The following LRRC4B variants were observed in gnomAD, a reference collection of about 807,000 sequenced individuals.
The protein encoded by LRRC4B is leucine rich repeat containing 4B.
LRRC4B carries 1 observed loss-of-function variant against 7.3 expected under a neutral mutation model. That is an observed-to-expected ratio of 0.14 (90% confidence interval 0.05 to 0.65). LRRC4B has a LOEUF of 0.65. LRRC4B is among the 30% of genes least tolerant of loss of function. The pLI is 0.84. For missense variants in LRRC4B, 730 were observed against 1,041.6 expected (o/e 0.70, Z 4.12); for synonymous variants, 500 against 499.2 (o/e 1.00, Z -0.02).
chr19:50,542,030 C>T (rs117729818), intron 2 of LRRC4B, among the ~76,000 whole-genome samples: 2,051 of 152,324 alleles, frequency 0.013, 19 homozygotes, highest in Non-Finnish European at 0.022. Context: ...GCGATCTTAA[C>T]GCAGCTTCAT....
chr19:50,535,092 T>A (rs1039958880), intron 2 of LRRC4B, among the ~76,000 whole-genome samples: 4 of 152,134 alleles, frequency 2.6e-5, no homozygotes, highest in Non-Finnish European at 4.4e-5. Flanking sequence ...ATGGTCTCGA[T>A]CTCCTGACCT....
Position 50,519,550 on chromosome 19 carries a change from C to G in LRRC4B, c.298-135G>C, listed in dbSNP as rs1980462118. 7.0e-7 allele frequency: 1 copy of G among 1,422,940 alleles called. No individual in the cohort carries two copies. The highest frequency in any genetic ancestry group is 2.5e-5 in the East Asian group (1 of 39,810). 88.1% of individuals were successfully genotyped at this position (1,422,940 alleles called of 1,614,324 possible). Reference sequence around the variant, plus strand: ...TGCTGTGACGGTACGACCTATATTGCAACATGGTTTGATGAGTTTCTTATA... The same window carrying G: ...TGCTGTGACGGTACGACCTATATTGGAACATGGTTTGATGAGTTTCTTATA... On this transcript the variant is annotated intron_variant, in intron 2 of 2. Transcript: ENST00000652263. This position sits in a 1 kb window ranked among gnomAD's most constrained non-coding sequence, Gnocchi z 8.1.
intron 1 of LRRC4B, among the ~76,000 whole-genome samples, chr19:50,550,128 A>G (rs1981991989): frequency 6.6e-6 from 1 of 152,158 alleles, no homozygotes; most frequent in Non-Finnish European, 1.5e-5. Context: ...CATAATGACC[A>G]TAGGAGAAAG....
intron 1 of LRRC4B, among the ~76,000 whole-genome samples, chr19:50,566,837 T>A (rs1982644891): frequency 7.1e-6 from 1 of 141,814 alleles, no homozygotes. Flanking sequence ...TGAAAGGTCA[T>A]AGAAGGATGT....
chr19:50,568,096 C>A lies in LRRC4B; in HGVS notation c.-188G>T, dbSNP rs1269725443. Reference sequence around the variant, plus strand: ...CGGGCCTGGAGCCTCTCGCGCTCTCCCCCCTCCCCGGCTCCTGGGTGGGGA... The same window carrying A: ...CGGGCCTGGAGCCTCTCGCGCTCTCACCCCTCCCCGGCTCCTGGGTGGGGA... On this transcript the variant is annotated 5_prime_UTR_variant, in exon 1 of 3. Coordinates refer to ENST00000652263, the MANE Select transcript of LRRC4B (RefSeq NM_001080457.2). 1 of 151,424 alleles carries A rather than the reference C, an allele frequency of 6.6e-6. No individual in the cohort carries two copies. Among genetic ancestry groups the A allele is most frequent in the Non-Finnish European group, 1.5e-5 (1 of 67,844 alleles). 9.4% of individuals were successfully genotyped at this position (151,424 alleles called of 1,614,324 possible).
intron 2 of LRRC4B, among the ~76,000 whole-genome samples, chr19:50,525,356 A>G (rs370866451): frequency 2.0e-5 from 3 of 151,566 alleles, no homozygotes; most frequent in African/African-American, 7.3e-5. Flanking sequence ...CCTTGGGATT[A>G]CAGCCCTGAG....
rs564846704 is a variant in LRRC4B at position 50,548,277 on chromosome 19, CG to C, written c.297+264del. ...CTAGGCCGACCCGCCTGTCCTGTGCCGGGGGGGCTGGGCAGGTGGCCTGCAC... is the reference window on the plus strand; with the variant it reads ...CTAGGCCGACCCGCCTGTCCTGTGCCGGGGGGCTGGGCAGGTGGCCTGCAC... On this transcript the variant is annotated intron_variant, in intron 2 of 2. Transcript: ENST00000652263. The surrounding 1 kb of genome is among the most constrained non-coding windows in gnomAD (Gnocchi z 6.8). Among the ~76,000 whole-genome samples the C allele has an allele frequency of 2.0e-4, 31 of 152,260 alleles. 1 individual carries two copies. The highest frequency in any genetic ancestry group is 1.2e-3 in the South Asian group (6 of 4,820).
chr19:50,566,193 G>T (rs1982622376), intron 1 of LRRC4B, among the ~76,000 whole-genome samples: 1 of 135,326 alleles, frequency 7.4e-6, no homozygotes, highest in Admixed American at 7.3e-5. Context: ...CCGCGGTCCG[G>T]GGGTGGGGGG....
At chr19:50,542,766 G>A (rs1981607590) in intron 2 of LRRC4B, among the ~76,000 whole-genome samples, 2 of 152,042 alleles carry the variant, frequency 1.3e-5, no homozygotes, top group Non-Finnish European at 2.9e-5. Flanking sequence ...CATAGCCACC[G>A]CGCCTGGCCA....
At chr19:50,564,446 C>T (rs892284908) in intron 1 of LRRC4B, among the ~76,000 whole-genome samples, 1 of 151,692 alleles carries the variant, frequency 6.6e-6, no homozygotes, top group Non-Finnish European at 1.5e-5. Flanking sequence ...GCGAGTGACA[C>T]AGAGGGACAA....
At chr19:50,521,700 A>G (rs1224510267) in intron 2 of LRRC4B, among the ~76,000 whole-genome samples, 4 of 151,242 alleles carry the variant, frequency 2.6e-5, no homozygotes, top group Non-Finnish European at 5.9e-5. Context: ...TGCTGGGATT[A>G]CAGGCGTGAG....
intron 1 of LRRC4B, among the ~76,000 whole-genome samples, chr19:50,554,518 A>C (rs1305637775): frequency 6.6e-6 from 1 of 152,180 alleles, no homozygotes; most frequent in Admixed American, 6.5e-5. Flanking sequence ...TCCTGGATAC[A>C]GCTGCATACT....
At chr19:50,523,116 G>A (rs1248051564) in intron 2 of LRRC4B, among the ~76,000 whole-genome samples, 2 of 152,216 alleles carry the variant, frequency 1.3e-5, no homozygotes, top group Non-Finnish European at 2.9e-5. Flanking sequence ...GGGAGGGGCA[G>A]TGCTGGGTCA....
rs760848944 is a variant in LRRC4B, at chr19:50,518,045, G to A, written c.1668C>T (p.Pro556=). Residue 556 remains proline (P), a synonymous_variant, in exon 3 of 3, where the codon CCC becomes CCT. Transcript: ENST00000652263. ...SRPTEKAFTV[P]ITDVTENALK... is the part of the protein sequence containing the mutation. The stretch of plus-strand genomic sequence containing the variant: ...GGGCGTTCTCCGTCACATCCGTGAT[G>A]GGCACCGTGAACGCCTTCTCCGTGG... 18 of 1,574,920 alleles carry A rather than the reference G, an allele frequency of 1.1e-5. No individual in the cohort carries two copies. Among genetic ancestry groups the A allele is most frequent in the Admixed American group, 1.9e-5 (1 of 51,784 alleles).
chr19:50,517,090 G>T lies in LRRC4B; in HGVS notation c.*481C>A, dbSNP rs939496526. ...CGGGAGCAGAGCCGGGCGCTGGGAC[G>T]GGAGCTCTGGCGACGTGTCCATCTC... On this transcript the variant is annotated 3_prime_UTR_variant, in exon 3 of 3. Transcript: ENST00000652263. The surrounding 1 kb of genome is among the most constrained non-coding windows in gnomAD (Gnocchi z 6.6). 6.6e-6 allele frequency: 1 copy of T among 152,062 alleles called. No homozygotes were observed. Among genetic ancestry groups the T allele is most frequent in the Non-Finnish European group, 1.5e-5 (1 of 68,024 alleles). 9.4% of individuals were successfully genotyped at this position (152,062 alleles called of 1,614,324 possible).
At chr19:50,527,882 C>T (rs895626731) in intron 2 of LRRC4B, among the ~76,000 whole-genome samples, 1 of 151,526 alleles carries the variant, frequency 6.6e-6, no homozygotes, top group African/African-American at 2.4e-5. Flanking sequence ...GCTGGGACTA[C>T]AGGCACGCAC....
At chr19:50,565,174 G>A (rs1014234534) in intron 1 of LRRC4B, among the ~76,000 whole-genome samples, 1 of 152,180 alleles carries the variant, frequency 6.6e-6, no homozygotes, top group Non-Finnish European at 1.5e-5. Flanking sequence ...GCTGGCACTC[G>A]GTTTGGTGTG....
At chr19:50,542,625 C>T (rs996484478) in intron 2 of LRRC4B, among the ~76,000 whole-genome samples, 7 of 151,924 alleles carry the variant, frequency 4.6e-5, no homozygotes, top group Admixed American at 1.3e-4. Flanking sequence ...TACAGGCATA[C>T]GCCACTATGC....
rs1980286240 is a variant in LRRC4B at position 50,516,989 on chromosome 19, TC to T, written c.*581del. 1 of 146,842 alleles carries T rather than the reference TC, an allele frequency of 6.8e-6. No individual in the cohort carries two copies. The highest frequency in any genetic ancestry group is 6.7e-5 in the Admixed American group (1 of 14,912). 9.1% of individuals were successfully genotyped at this position (146,842 alleles called of 1,614,324 possible). A position where few individuals can be genotyped will look rare whatever the true frequency, so the allele number is the denominator to read the frequency against. ...CGTTGACGCAAACCTCCCTTCAGTA[TC>T]AAAAGTGTCTGTGGGGCAGGTGGGG... is the stretch of plus-strand genomic sequence containing the variant. On this transcript the variant is annotated 3_prime_UTR_variant, in exon 3 of 3. Transcript: ENST00000652263.
Sources: gnomAD v4.1 joint callset for allele counts (sites outside exome capture counted in the v4.1 genomes callset) on GRCh38, gnomAD v4.1.1 for gene constraint, Gnocchi (gnomAD v3.1) non-coding constraint, MANE v1.5 for transcripts, NCBI Gene and HGNC (gene_info 2026-07-23, HGNC 2026-07-21) for gene names.